NBEAL1: variants seen among roughly 807,000 people sequenced by gnomAD.
The protein encoded by NBEAL1 is neurobeachin-like protein 1.
Under a neutral mutation model 351.3 loss-of-function variants are expected in NBEAL1, and 273 were observed. That is an observed-to-expected ratio of 0.78 (90% CI 0.70 to 0.86). NBEAL1 has a LOEUF of 0.86. NBEAL1 is among the 40% of genes least tolerant of loss of function. NBEAL1 has a pLI of 0.00. For missense variants in NBEAL1, 2,961 were observed against 3,201.3 expected (o/e 0.92, Z 1.81); for synonymous variants, 1,050 against 1,086.4 (o/e 0.97, Z 0.66).
intron 31 of NBEAL1, among the ~76,000 whole-genome samples, chr2:203,142,088 T>C (rs372019559): frequency 1.4e-4 from 21 of 152,314 alleles, no homozygotes; most frequent in African/African-American, 4.8e-4. Context: ...AGAGGAGCAT[T>C]CTAAAAATAC....
At chr2:203,134,545 G>A in intron 27 of NBEAL1, among the ~76,000 whole-genome samples, 1 of 152,106 alleles carries the variant, frequency 6.6e-6, no homozygotes, top group Non-Finnish European at 1.5e-5. Flanking sequence ...TCTGAAAATT[G>A]TCAGAGCTAA....
chr2:203,032,788 C>A (rs1163542098), intron 2 of NBEAL1, among the ~76,000 whole-genome samples: 1 of 148,432 alleles, frequency 6.7e-6, no homozygotes, highest in African/African-American at 2.5e-5. Flanking sequence ...CCTCAGCCTC[C>A]CGAGTAGCTG....
chr2:203,104,231 T>A (rs182692520), intron 12 of NBEAL1, among the ~76,000 whole-genome samples: 2 of 152,284 alleles, frequency 1.3e-5, no homozygotes, highest in Non-Finnish European at 2.9e-5. Context: ...GGTGCTTCTG[T>A]GTTGAGTGTG....
Position 203,014,954 on chromosome 2 carries a change from C to T in NBEAL1, c.-258C>T, listed in dbSNP as rs1274443060. 6.6e-6 allele frequency: 1 copy of T among 152,282 alleles called. No homozygotes were observed. The highest frequency in any genetic ancestry group is 1.5e-5 in the Non-Finnish European group (1 of 68,120). 9.4% of individuals were successfully genotyped at this position (152,282 alleles called of 1,614,324 possible). A position where few individuals can be genotyped will look rare whatever the true frequency, so the allele number is the denominator to read the frequency against. ...TCGAGGGAAGCAGTTAGACGGCTGC[C>T]GGGCGGCGGCTGCCGCGCGGCACAC... On this transcript the variant is annotated 5_prime_UTR_variant, in exon 1 of 56. Transcript: ENST00000683969.
intron 8 of NBEAL1, among the ~76,000 whole-genome samples, chr2:203,082,176 G>A (rs1360762436): frequency 6.6e-6 from 1 of 152,156 alleles, no homozygotes; most frequent in Non-Finnish European, 1.5e-5. Flanking sequence ...TATGACTATA[G>A]AGAAGGAAAA....
At chr2:203,016,989 C>T (rs375229944) in intron 2 of NBEAL1, among the ~76,000 whole-genome samples, 2 of 152,286 alleles carry the variant, frequency 1.3e-5, no homozygotes, top group South Asian at 4.1e-4. Flanking sequence ...GCAAGGGTTA[C>T]AGGAGTACTG....
chr2:203,041,547 A>G (rs1171444304), intron 2 of NBEAL1, among the ~76,000 whole-genome samples: 2 of 152,246 alleles, frequency 1.3e-5, no homozygotes, highest in East Asian at 1.9e-4. Flanking sequence ...TTAAACTTTT[A>G]TAGAACATTG....
intron 45 of NBEAL1, among the ~76,000 whole-genome samples, chr2:203,189,099 C>T (rs1273167491): frequency 6.6e-6 from 1 of 152,194 alleles, no homozygotes; most frequent in Non-Finnish European, 1.5e-5. Flanking sequence ...TTTTGCTATA[C>T]CGGATCCATT....
chr2:203,213,482 G>GTGTAATTATGTC, intron 54 of NBEAL1, 36 bp from the exon 55 acceptor site: 1 of 1,543,842 alleles, frequency 6.5e-7, no homozygotes, highest in Non-Finnish European at 8.9e-7. Flanking sequence ...TTATAAATCC[G>GTGTAATTATGTC]TGTAATTATG....
chr2:203,099,242 C>T (rs1276966691), intron 11 of NBEAL1, among the ~76,000 whole-genome samples: 1 of 150,738 alleles, frequency 6.6e-6, no homozygotes, highest in Admixed American at 6.6e-5. Context: ...CACCATTGCA[C>T]TCCAGCCTGG....
intron 31 of NBEAL1, among the ~76,000 whole-genome samples, chr2:203,138,950 T>G (rs2063293541): frequency 6.6e-6 from 1 of 152,210 alleles, no homozygotes; most frequent in Non-Finnish European, 1.5e-5. Flanking sequence ...TTTATATAAT[T>G]TTAAGGCTTC....
At chr2:203,144,951 T>C (rs752934852) in intron 32 of NBEAL1, 46 bp downstream of exon 32, 2 of 1,518,000 alleles carry the variant, frequency 1.3e-6, no homozygotes, top group African/African-American at 1.4e-5. Context: ...TAATTTACCA[T>C]TTTTATAGAG....
rs1174830029 is a variant in NBEAL1, at chr2:203,224,219, GAAC to G, written c.*6867_*6869del. On this transcript the variant is annotated 3_prime_UTR_variant, in exon 56 of 56. Coordinates refer to ENST00000683969, the MANE Select transcript of NBEAL1 (RefSeq NM_001378026.1). ...GCTGCTCTCAAAGACTGTGATTGAT[GAAC>G]ATCACCAAACTTTTTTTGTGGCAAA... Among the ~76,000 whole-genome samples the G allele has an allele frequency of 2.0e-5, 3 of 151,886 alleles. No homozygotes were observed. Among genetic ancestry groups the G allele is most frequent in the Non-Finnish European group, 4.4e-5 (3 of 67,896 alleles).
At position 203,224,229 on chromosome 2, in the gene NBEAL1, A is replaced by C. The variant is rs1030665480; in HGVS notation, c.*6875A>C. Among the ~76,000 whole-genome samples, 1 of 152,076 alleles carries C rather than the reference A, an allele frequency of 6.6e-6. No individual in the cohort carries two copies. The highest frequency in any genetic ancestry group is 1.5e-5 in the Non-Finnish European group (1 of 67,928). On this transcript the variant is annotated 3_prime_UTR_variant, in exon 56 of 56. Coordinates refer to ENST00000683969, the MANE Select transcript of NBEAL1 (RefSeq NM_001378026.1). ...AAGACTGTGATTGATGAACATCACC[A>C]AACTTTTTTTGTGGCAAACTGCTTA...
intron 50 of NBEAL1, 78 bp downstream of exon 50, chr2:203,201,793 G>A: frequency 8.6e-7 from 1 of 1,159,280 alleles, no homozygotes; most frequent in Non-Finnish European, 1.2e-6. Context: ...CGTGCTCTTT[G>A]TAAAGAGCAT....
intron 49 of NBEAL1, 143 bp downstream of exon 49, chr2:203,199,590 T>G: frequency 1.9e-6 from 1 of 515,708 alleles, no homozygotes. Flanking sequence ...TGCGGTGCAG[T>G]GGCGCAATCC....
intron 2 of NBEAL1, among the ~76,000 whole-genome samples, chr2:203,038,136 C>T (rs2061069781): frequency 1.3e-5 from 2 of 148,858 alleles, no homozygotes; most frequent in Non-Finnish European, 1.5e-5. Flanking sequence ...TTTGTTTATC[C>T]GTTAACTTGA....
intron 54 of NBEAL1, among the ~76,000 whole-genome samples, chr2:203,212,149 A>G (rs1038925416): frequency 6.6e-6 from 1 of 151,872 alleles, no homozygotes; most frequent in African/African-American, 2.4e-5. Flanking sequence ...AGCCTTCCCA[A>G]AGTGCTGGGA....
chr2:203,097,995 A>G (rs2062220373), intron 11 of NBEAL1, among the ~76,000 whole-genome samples: 1 of 152,138 alleles, frequency 6.6e-6, no homozygotes, highest in Non-Finnish European at 1.5e-5. Context: ...GTGAATATGT[A>G]TGGTCATTGT....
Sources: gnomAD v4.1 joint callset for allele counts (sites outside exome capture counted in the v4.1 genomes callset) on GRCh38, gnomAD v4.1.1 for gene constraint, MANE v1.5 for transcripts, NCBI Gene and HGNC (gene_info 2026-07-23, HGNC 2026-07-21) for gene names.